The following MAST2 variants were observed in gnomAD, a reference collection of about 807,000 sequenced individuals.
MAST2 encodes the protein microtubule associated serine/threonine kinase 2.
In MAST2, 70 loss-of-function variants were observed where a neutral mutation model predicts 147.4. That is an observed-to-expected ratio of 0.47 (90% CI 0.39 to 0.58). The LOEUF is 0.58. Among genes scored for constraint, MAST2 ranks in the 20% least tolerant of loss-of-function variants. MAST2 has a pLI of 0.00. For synonymous variants in MAST2, 869 were observed against 896.8 expected, an observed-to-expected ratio of 0.97 and a Z score of 0.55; for missense variants, 2,080 against 2,302.3, an observed-to-expected ratio of 0.90 and a Z score of 1.98.
intron 4 of MAST2, among the ~76,000 whole-genome samples, chr1:45,933,219 T>G (rs1655613865): frequency 8.8e-6 from 1 of 114,274 alleles, no homozygotes; most frequent in Non-Finnish European, 1.7e-5. Flanking sequence ...CAAGACCCTG[T>G]CTCTTTAAAA....
At chr1:45,959,545 T>C in intron 5 of MAST2, 68 bp downstream of exon 5, 1 of 1,324,796 alleles carries the variant, frequency 7.5e-7, no homozygotes, top group Non-Finnish European at 1.1e-6. Flanking sequence ...TCTTTCCTAC[T>C]TCTCATGTTG....
intron 5 of MAST2, among the ~76,000 whole-genome samples, chr1:45,992,147 T>C (rs1644879009): frequency 6.6e-6 from 1 of 152,238 alleles, no homozygotes; most frequent in Non-Finnish European, 1.5e-5. Context: ...ATTCTCCCCA[T>C]GAAGTATTAT....
At chr1:45,841,990 C>T (rs1446198762) in intron 3 of MAST2, among the ~76,000 whole-genome samples, 1 of 152,112 alleles carries the variant, frequency 6.6e-6, no homozygotes, top group Non-Finnish European at 1.5e-5. Flanking sequence ...AAGCCTGGTA[C>T]CAGATGCTGG....
chr1:45,849,736 C>T (rs1037497576), intron 3 of MAST2, among the ~76,000 whole-genome samples: 1 of 152,154 alleles, frequency 6.6e-6, no homozygotes, highest in Non-Finnish European at 1.5e-5. Context: ...CCATATTAGC[C>T]AGGATGGTCT....
chr1:45,983,558 G>A (rs527737624), intron 5 of MAST2, among the ~76,000 whole-genome samples: 20 of 149,398 alleles, frequency 1.3e-4, no homozygotes, highest in Admixed American at 4.7e-4. Context: ...TGACATGATC[G>A]CAGCTCACTG....
chr1:45,843,205 T>C (rs963943273), intron 3 of MAST2, among the ~76,000 whole-genome samples: 2 of 152,176 alleles, frequency 1.3e-5, no homozygotes, highest in African/African-American at 4.8e-5. Context: ...ATTTCCAAAT[T>C]TTTTTCCTGT....
chr1:45,834,971 T>C (rs919330038), intron 3 of MAST2, among the ~76,000 whole-genome samples: 1 of 152,092 alleles, frequency 6.6e-6, no homozygotes, highest in Non-Finnish European at 1.5e-5. Context: ...TGAAATTTTA[T>C]TGGTAGTGTT....
intron 6 of MAST2, among the ~76,000 whole-genome samples, chr1:46,002,293 G>A (rs751032712): frequency 6.6e-6 from 1 of 152,078 alleles, no homozygotes; most frequent in South Asian, 2.1e-4. Flanking sequence ...GAGTCCTAAC[G>A]GCTCCTAGGC....
Position 45,934,147 on chromosome 1 carries a change from A to G in MAST2, c.501-25239A>G, listed in dbSNP as rs371789040. Reference sequence around the variant, plus strand: ...CATGTATATTCAGTGTTTAGCTCCCACTTATAGGTGAGAACATGGAGTAAT... The same window carrying G: ...CATGTATATTCAGTGTTTAGCTCCCGCTTATAGGTGAGAACATGGAGTAAT... On this transcript the variant is annotated intron_variant, in intron 4 of 28. Transcript: ENST00000361297. Among the ~76,000 whole-genome samples the G allele has an allele frequency of 2.0e-5, 3 of 152,070 alleles. No homozygotes were observed. The East Asian group carries it at 5.8e-4, about 30-fold the overall frequency.
intron 3 of MAST2, among the ~76,000 whole-genome samples, chr1:45,841,409 G>A (rs555532036): frequency 6.6e-6 from 1 of 151,806 alleles, no homozygotes; most frequent in East Asian, 1.9e-4. Flanking sequence ...GAAATATTGT[G>A]TATATTTCTT....
At chr1:45,847,764 G>A (rs1645489340) in intron 3 of MAST2, among the ~76,000 whole-genome samples, 1 of 151,894 alleles carries the variant, frequency 6.6e-6, no homozygotes, top group African/African-American at 2.4e-5. Context: ...ATATTGCCCA[G>A]TCTGGTCTCG....
At chr1:45,875,003 C>CT (rs1298247529) in intron 3 of MAST2, among the ~76,000 whole-genome samples, 2 of 152,164 alleles carry the variant, frequency 1.3e-5, no homozygotes, top group African/African-American at 2.4e-5. Context: ...CATGGCAAGT[C>CT]TGAGTCCAAA....
At chr1:45,867,844 G>A (rs1646221142) in intron 3 of MAST2, among the ~76,000 whole-genome samples, 1 of 152,188 alleles carries the variant, frequency 6.6e-6, no homozygotes, top group Non-Finnish European at 1.5e-5. Context: ...TTAGGTAAAT[G>A]TATTGACTCA....
chr1:45,895,572 C>T (rs543636849), intron 4 of MAST2, among the ~76,000 whole-genome samples: 2 of 152,286 alleles, frequency 1.3e-5, no homozygotes, highest in South Asian at 4.1e-4. Context: ...GGATGGTCCA[C>T]GTGAGGTGTA....
chr1:45,916,566 A>T (rs1652554709), intron 4 of MAST2, among the ~76,000 whole-genome samples: 1 of 152,230 alleles, frequency 6.6e-6, no homozygotes, highest in South Asian at 2.1e-4. Flanking sequence ...ATACATAGTT[A>T]ACTGACATTA....
At chr1:46,015,753 G>T (rs1371060831) in intron 10 of MAST2, among the ~76,000 whole-genome samples, 1 of 152,142 alleles carries the variant, frequency 6.6e-6, no homozygotes, top group Non-Finnish European at 1.5e-5. Context: ...GGTACAAGGA[G>T]GAATTGGTAC....
chr1:45,913,143 A>G (rs1263060633), intron 4 of MAST2, among the ~76,000 whole-genome samples: 3 of 152,184 alleles, frequency 2.0e-5, no homozygotes, highest in Admixed American at 2.0e-4. Context: ...ATGGCACTGA[A>G]CTTTGTCTGA....
intron 3 of MAST2, among the ~76,000 whole-genome samples, chr1:45,857,557 A>G (rs1298603293): frequency 6.6e-6 from 1 of 152,198 alleles, no homozygotes; most frequent in Non-Finnish European, 1.5e-5. Flanking sequence ...GATGGGCCTG[A>G]TGAGTCTCTG....
chr1:45,941,328 C>T (rs548590195), intron 4 of MAST2, among the ~76,000 whole-genome samples: 6 of 152,196 alleles, frequency 3.9e-5, no homozygotes, highest in Non-Finnish European at 7.4e-5. Flanking sequence ...GGCGGGATCT[C>T]GGCTCACTGC....
Sources: allele counts gnomAD v4.1 joint callset (sites outside exome capture counted in the v4.1 genomes callset), GRCh38; gene constraint gnomAD v4.1.1; transcripts MANE v1.5; gene names NCBI Gene and HGNC (gene_info 2026-07-23, HGNC 2026-07-21).